The following LRCH1 variants were observed in gnomAD, a reference collection of about 807,000 sequenced individuals.
The protein encoded by LRCH1 is leucine rich repeats and calponin homology domain containing 1, also known as leucine-rich repeat and calponin homology domain-containing protein 1.
Under a neutral mutation model 94.9 loss-of-function variants are expected in LRCH1, and 23 were observed. The observed-to-expected ratio is 0.24, with a 90% CI of 0.17 to 0.34. The LOEUF (loss-of-function observed/expected upper bound fraction) is 0.34. Ranked by LOEUF, LRCH1 falls within the 10% of genes least tolerant of loss-of-function variation. The probability of loss-of-function intolerance (pLI) is 1.00; values close to 1 mark genes in which losing one functional copy is unlikely to be tolerated. For missense variants in LRCH1, 790 were observed against 945.9 expected (o/e 0.84, Z 2.16); for synonymous variants, 364 against 354.9 (o/e 1.03, Z -0.29).
intron 1 of LRCH1, among the ~76,000 whole-genome samples, chr13:46,628,557 T>C (rs2050978439): frequency 6.6e-6 from 1 of 150,550 alleles, no homozygotes; most frequent in Admixed American, 6.7e-5. Context: ...CTCAGGAGGC[T>C]GAGGCAGGAG....
chr13:46,611,411 C>A (rs773938559), intron 1 of LRCH1, among the ~76,000 whole-genome samples: 4 of 152,190 alleles, frequency 2.6e-5, no homozygotes, highest in African/African-American at 9.7e-5. Context: ...CTCTCCTAGT[C>A]TAGAGCTCAG....
intron 1 of LRCH1, among the ~76,000 whole-genome samples, chr13:46,567,492 TTGTGTG>T (rs35848521): frequency 1.4e-4 from 20 of 141,956 alleles, no homozygotes; most frequent in East Asian, 1.0e-3. Context: ...TAAGGCAATT[TTGTGTG>T]TGTGTGTGTG....
chr13:46,628,216 C>T (rs536398938), intron 1 of LRCH1, among the ~76,000 whole-genome samples: 26 of 151,954 alleles, frequency 1.7e-4, no homozygotes, highest in African/African-American at 4.6e-4. Context: ...TGAAAATATG[C>T]GGGGCTGCTT....
At chr13:46,560,578 C>T (rs1257298939) in intron 1 of LRCH1, among the ~76,000 whole-genome samples, 28 of 152,124 alleles carry the variant, frequency 1.8e-4, no homozygotes. Flanking sequence ...GCACAAAACC[C>T]AACTATTTTT....
chr13:46,619,064 T>TTTCCTTCCTTCCTTCC lies in LRCH1; in HGVS notation c.308-31102_308-31087dup, dbSNP rs764734614. On this transcript the variant is annotated intron_variant, in intron 1 of 19. Coordinates refer to ENST00000389797, the MANE Select transcript of LRCH1 (RefSeq NM_001164211.2). ...AGTTCTCTTTTCTTTTCTTTTCTTTTTTCCTTCCTTCCTTCCTTCCTTCCT... is the reference window on the plus strand; with the variant it reads ...AGTTCTCTTTTCTTTTCTTTTCTTTTTTCCTTCCTTCCTTCCTTCCTTCCTTCCTTCCTTCCTTCCT... Among the ~76,000 whole-genome samples the TTTCCTTCCTTCCTTCC allele has an allele frequency of 1.4e-3, 158 of 114,694 alleles. 1 individual carries two copies. The highest frequency in any genetic ancestry group is 2.1e-3 in the South Asian group (7 of 3,318). 75.2% of individuals were successfully genotyped at this position (114,694 alleles called of 152,430 possible). A position where few individuals can be genotyped will look rare whatever the true frequency, so the allele number is the denominator to read the frequency against.
Position 46,694,967 on chromosome 13 carries a change from C to CAGTTTACT in LRCH1, c.1196_1203dup (p.Asp402SerfsTer14). On this transcript the variant is annotated frameshift_variant, in exon 9 of 20. Coordinates refer to ENST00000389797, the MANE Select transcript of LRCH1 (RefSeq NM_001164211.2). LOFTEE classifies it high-confidence loss of function. ...CACCAACTCAGGAGAAGAAAGAGACCAGTTTACTGATAGAGCAGATGGTCT... is the reference window on the plus strand; with the variant it reads ...CACCAACTCAGGAGAAGAAAGAGACCAGTTTACTAGTTTACTGATAGAGCAGATGGTCT... 1 of 1,614,084 alleles carries CAGTTTACT rather than the reference C, an allele frequency of 6.2e-7. No homozygotes were observed. The highest frequency in any genetic ancestry group is 8.5e-7 in the Non-Finnish European group (1 of 1,179,952).
chr13:46,603,420 C>T lies in LRCH1; in HGVS notation c.308-46781C>T, dbSNP rs374494981. Among the ~76,000 whole-genome samples the T allele has an allele frequency of 2.5e-4, 38 of 152,208 alleles. 1 individual carries two copies. The East Asian group carries it at 6.6e-3, about 26-fold the overall frequency. ...TAACCCAAATGGGTTGTTTGCAAAGCTAGTGTCGCTGAGGTGTTCTGTGTA... is the reference window on the plus strand; with the variant it reads ...TAACCCAAATGGGTTGTTTGCAAAGTTAGTGTCGCTGAGGTGTTCTGTGTA... On this transcript the variant is annotated intron_variant, in intron 1 of 19. Transcript: ENST00000389797.
At chr13:46,746,646 A>G (rs1465543620), downstream of LRCH1, among the ~76,000 whole-genome samples, 1 of 152,228 alleles carries the variant, frequency 6.6e-6, no homozygotes, top group Non-Finnish European at 1.5e-5. Context: ...ATATAAAGGT[A>G]CAGCTGTCTC....
chr13:46,648,516 CTCT>C (rs2051252005), intron 1 of LRCH1, among the ~76,000 whole-genome samples: 1 of 152,184 alleles, frequency 6.6e-6, no homozygotes, highest in South Asian at 2.1e-4. Context: ...CCTCTCAGGG[CTCT>C]TCTTTGTTGA....
chr13:46,618,186 G>C (rs768838782), intron 1 of LRCH1, among the ~76,000 whole-genome samples: 1 of 152,094 alleles, frequency 6.6e-6, no homozygotes. Flanking sequence ...CTACAAACCC[G>C]CATGGCATGT....
chr13:46,676,592 A>G (rs111758387), intron 3 of LRCH1, among the ~76,000 whole-genome samples: 211 of 152,252 alleles, frequency 1.4e-3, no homozygotes, highest in African/African-American at 4.9e-3. Flanking sequence ...GAACGTTTGC[A>G]TTTTATTCAA....
At chr13:46,595,210 C>A (rs778569795) in intron 1 of LRCH1, among the ~76,000 whole-genome samples, 1 of 152,120 alleles carries the variant, frequency 6.6e-6, no homozygotes, top group Non-Finnish European at 1.5e-5. Context: ...ATGAATGTAA[C>A]CGCAGATTAT....
intron 1 of LRCH1, among the ~76,000 whole-genome samples, chr13:46,607,091 C>T (rs1566172736): frequency 6.6e-6 from 1 of 152,108 alleles, no homozygotes; most frequent in Non-Finnish European, 1.5e-5. Flanking sequence ...GTTGTCAGTT[C>T]CTGGCCCTGA....
At chr13:46,572,757 A>G (rs2050254541) in intron 1 of LRCH1, among the ~76,000 whole-genome samples, 1 of 152,156 alleles carries the variant, frequency 6.6e-6, no homozygotes, top group Non-Finnish European at 1.5e-5. Context: ...CATTTCGTAA[A>G]CTTAAGAGGT....
intron 18 of LRCH1, among the ~76,000 whole-genome samples, chr13:46,731,183 GA>G (rs1197253540): frequency 1.2e-4 from 17 of 139,508 alleles, no homozygotes; most frequent in Middle Eastern, 4.1e-3. Flanking sequence ...TTCTCATATA[GA>G]CTAGTAATTT....
At chr13:46,722,088 A>G (rs552014180) in intron 16 of LRCH1, among the ~76,000 whole-genome samples, 1 of 152,352 alleles carries the variant, frequency 6.6e-6, no homozygotes, top group South Asian at 2.1e-4. Context: ...ATAGCTTCTA[A>G]AGAGGTCCAT....
At chr13:46,719,414 G>A (rs916085345) in intron 16 of LRCH1, among the ~76,000 whole-genome samples, 16 of 152,296 alleles carry the variant, frequency 1.1e-4, no homozygotes, top group South Asian at 2.1e-4. Context: ...ATAATGGAGC[G>A]AAATATCACT....
chr13:46,614,125 G>A (rs916998787), intron 1 of LRCH1, among the ~76,000 whole-genome samples: 5 of 151,342 alleles, frequency 3.3e-5, no homozygotes, highest in South Asian at 2.1e-4. Flanking sequence ...TTTTTGTGGC[G>A]AGAGTACCTA....
intron 1 of LRCH1, among the ~76,000 whole-genome samples, chr13:46,593,604 G>A (rs780003291): frequency 6.6e-6 from 1 of 152,118 alleles, no homozygotes; most frequent in Non-Finnish European, 1.5e-5. Context: ...GTGTGTTGGC[G>A]AGAGTGGCTG....
Sources: gnomAD v4.1 joint callset for allele counts (sites outside exome capture counted in the v4.1 genomes callset) on GRCh38, gnomAD v4.1.1 for gene constraint, MANE v1.5 for transcripts, NCBI Gene and HGNC (gene_info 2026-07-23, HGNC 2026-07-21) for gene names.